Variants in GALC observed in about 807,000 individuals in gnomAD.
The protein encoded by GALC is galactocerebrosidase.
In GALC, 77 loss-of-function variants were observed where a neutral mutation model predicts 91.8. That is an observed-to-expected ratio of 0.84 (90% confidence interval 0.70 to 1.01). GALC has a LOEUF of 1.01. Among genes scored for constraint, GALC ranks in the 50% least tolerant of loss-of-function variants. The probability of loss-of-function intolerance (pLI) is 0.00; values close to 1 mark genes in which losing one functional copy is unlikely to be tolerated. For synonymous variants in GALC, 357 were observed against 306.7 expected (o/e 1.16, Z -1.71); for missense variants, 882 against 855.9 (o/e 1.03, Z -0.38).
chr14:87,953,109 C>G (rs779969990), intron 10 of GALC: 8 of 1,496,298 alleles, frequency 5.3e-6, no homozygotes, highest in Non-Finnish European at 7.4e-6. Context: ...AATACAAAAC[C>G]AGTGTTTGGG....
chr14:87,965,589 A>T lies in GALC; in HGVS notation c.949T>A (p.Leu317Met), dbSNP rs766071179. The change falls in exon 9 of 17, where the codon TTG becomes ATG. Residue 317 changes from leucine to methionine, a missense_variant. Leu to Met is a conservative substitution (Grantham distance 15, BLOSUM62 2). Transcript: ENST00000261304. ...ATCAACCCGCATCTCCCATAAGGCA[A>T]CTGTTCATAGTAACTAGCCACTAAA... ...WNLVASYYEQ[L>M]PYGRCGLMTA... 11 of 1,613,388 alleles carry T rather than the reference A, an allele frequency of 6.8e-6. No homozygotes were observed. The Admixed American group carries it at 1.8e-4, about 27-fold the overall frequency.
chr14:87,936,921 T>TATATATATATATATATATATA (rs1176265523), intron 16 of GALC, among the ~76,000 whole-genome samples: 58 of 141,106 alleles, frequency 4.1e-4, no homozygotes, highest in African/African-American at 5.9e-4. Context: ...TATTTATTTA[T>TATATATATATATATATATATA]TTTCTCATTG....
At chr14:87,990,980 T>C (rs1567017107) in intron 1 of GALC, among the ~76,000 whole-genome samples, 1 of 152,146 alleles carries the variant, frequency 6.6e-6, no homozygotes, top group African/African-American at 2.4e-5. Context: ...ATTAGTAATG[T>C]GCAAGACATC....
chr14:87,970,487 C>T (rs17687510), intron 7 of GALC, among the ~76,000 whole-genome samples: 2 of 151,828 alleles, frequency 1.3e-5, no homozygotes, highest in Non-Finnish European at 2.9e-5. Context: ...ACATTCAAAA[C>T]CCAAATGATT....
chr14:87,954,521 A>G (rs911733372), intron 10 of GALC: 8 of 1,559,620 alleles, frequency 5.1e-6, no homozygotes, highest in Admixed American at 1.8e-5. Flanking sequence ...ATCGCATACA[A>G]TGCCTTGGTC....
At chr14:87,956,154 T>C (rs1378520207) in intron 10 of GALC, among the ~76,000 whole-genome samples, 2 of 151,890 alleles carry the variant, frequency 1.3e-5, no homozygotes, top group South Asian at 4.2e-4. Context: ...TAACTTACAG[T>C]GAGGTGTGAT....
At chr14:87,963,129 G>A in intron 10 of GALC, 1 of 437,062 alleles carries the variant, frequency 2.3e-6, no homozygotes, top group Non-Finnish European at 4.2e-6. Flanking sequence ...TTGGTACACA[G>A]GTAACCTTAA....
At position 87,992,971 on chromosome 14, in the gene GALC, C is replaced by T. The variant is rs1555384318; in HGVS notation, c.194G>A (p.Gly65Glu). Residue 65 changes from glycine to glutamate, a missense_variant and splice_region_variant, in exon 1 of 17, where the codon GGG becomes GAG. Physicochemically the swap from Gly to Glu is moderately conservative, Grantham distance 98. Transcript: ENST00000261304. ...GTATCCCCGCAGCTTGCCGCTCACC[C>T]CGCCGCCGCTGACCGCGCCGATGCC... ...FDGIGAVSGG[G>E]ATSRLLVNYP... 6.6e-7 allele frequency: 1 copy of T among 1,520,618 alleles called. No individual in the cohort carries two copies. The highest frequency in any genetic ancestry group is 8.7e-7 in the Non-Finnish European group (1 of 1,143,356). The allele number at this position is 1,520,618 out of a possible 1,614,324, so 94.2% of individuals were successfully genotyped here.
chr14:87,976,547 T>C, intron 6 of GALC, 59 bp from the exon 7 acceptor site: 1 of 1,344,212 alleles, frequency 7.4e-7, no homozygotes, highest in Middle Eastern at 1.8e-4. Context: ...AGCTGTTGAA[T>C]TTATGACCAA....
At chr14:87,963,021 G>T (rs1885874419) in intron 10 of GALC, among the ~76,000 whole-genome samples, 1 of 151,966 alleles carries the variant, frequency 6.6e-6, no homozygotes, top group Admixed American at 6.6e-5. Flanking sequence ...CAGACTTAAG[G>T]TCTCCCCAAA....
At chr14:87,971,675 T>C (rs1190266421) in intron 7 of GALC, among the ~76,000 whole-genome samples, 1 of 152,174 alleles carries the variant, frequency 6.6e-6, no homozygotes, top group East Asian at 1.9e-4. Flanking sequence ...GTAAATAATA[T>C]TTTTATATTC....
chr14:87,977,015 G>A (rs577724886), intron 6 of GALC, among the ~76,000 whole-genome samples: 17 of 122,090 alleles, frequency 1.4e-4, no homozygotes, highest in Non-Finnish European at 1.9e-4. Flanking sequence ...TTAAAATTAC[G>A]TTTAACCATA....
chr14:87,971,192 G>C (rs1216906732), intron 7 of GALC, among the ~76,000 whole-genome samples: 1 of 152,114 alleles, frequency 6.6e-6, no homozygotes, highest in African/African-American at 2.4e-5. Flanking sequence ...CCAGGTGACA[G>C]GGACTCTCCC....
intron 6 of GALC, among the ~76,000 whole-genome samples, chr14:87,980,063 C>T (rs1245385302): frequency 6.6e-6 from 1 of 152,116 alleles, no homozygotes; most frequent in African/African-American, 2.4e-5. Context: ...GCCTTCTCCA[C>T]GCCTACAACT....
chr14:87,934,741 G>C lies in GALC; in HGVS notation c.2049C>G (p.Ala683=). The C allele has an allele frequency of 6.2e-7, 1 of 1,613,186 alleles. No homozygotes were observed. Among genetic ancestry groups the C allele is most frequent in the Non-Finnish European group, 8.5e-7 (1 of 1,179,418 alleles). ...FAQFDNFLVE[A]TR ...GATGCCCTGTTAAGTATTAGCGTGT[G>C]GCTTCCACAAGAAAGTTGTCAAACT... The change falls in exon 17 of 17, where the codon GCC becomes GCG. Residue 683 remains alanine, a synonymous_variant. Coordinates refer to ENST00000261304, the MANE Select transcript of GALC (RefSeq NM_000153.4).
At chr14:87,988,007 T>G in intron 3 of GALC, 137 bp downstream of exon 3, 1 of 686,818 alleles carries the variant, frequency 1.5e-6, no homozygotes, top group Non-Finnish European at 2.6e-6. Context: ...AGTTAAAAAA[T>G]GAGGAAAACT....
chr14:87,944,893 C>T (rs1885001678), intron 14 of GALC, among the ~76,000 whole-genome samples: 1 of 151,850 alleles, frequency 6.6e-6, no homozygotes, highest in African/African-American at 2.4e-5. Flanking sequence ...TTTCTTTTCC[C>T]ACAGTGGAAT....
chr14:87,989,580 T>C (rs1328161442), intron 1 of GALC: 2 of 152,320 alleles, frequency 1.3e-5, no homozygotes, highest in Non-Finnish European at 2.9e-5. Context: ...CCACCTTTTG[T>C]CCAAACTTCC....
chr14:87,956,340 A>G (rs776683864), intron 10 of GALC, among the ~76,000 whole-genome samples: 23 of 151,916 alleles, frequency 1.5e-4, no homozygotes, highest in South Asian at 1.0e-3. Flanking sequence ...ATAAACAACA[A>G]CAAGCCTCAA....
Sources: allele counts gnomAD v4.1 joint callset (sites outside exome capture counted in the v4.1 genomes callset), GRCh38; gene constraint gnomAD v4.1.1; transcripts MANE v1.5; gene names NCBI Gene and HGNC (gene_info 2026-07-23, HGNC 2026-07-21).